The following LUZP2 variants were observed in gnomAD, a reference collection of about 807,000 sequenced individuals.
The protein encoded by LUZP2 is leucine zipper protein 2.
Under a neutral mutation model 51.6 loss-of-function variants are expected in LUZP2, and 52 were observed. That is an observed-to-expected ratio of 1.01 (90% CI 0.81 to 1.27). The LOEUF (loss-of-function observed/expected upper bound fraction) is 1.27, where lower values mean the gene tolerates loss of function less well. Ranked by LOEUF, LUZP2 falls within the 50% of genes most tolerant of loss-of-function variation. The pLI is 0.00. For synonymous variants in LUZP2, 154 were observed against 137.3 expected, an observed-to-expected ratio of 1.12 and a Z score of -0.85; for missense variants, 436 against 395.4, an observed-to-expected ratio of 1.10 and a Z score of -0.87.
intron 1 of LUZP2, among the ~76,000 whole-genome samples, chr11:24,689,334 C>T (rs1254261268): frequency 6.6e-6 from 1 of 152,170 alleles, no homozygotes; most frequent in Non-Finnish European, 1.5e-5. Context: ...AAGTTGTATG[C>T]ATCCTTACTT....
At chr11:25,056,161 A>G (rs1858679039) in intron 10 of LUZP2, among the ~76,000 whole-genome samples, 1 of 152,226 alleles carries the variant, frequency 6.6e-6, no homozygotes, top group African/African-American at 2.4e-5. Context: ...TTTACACAGC[A>G]GAACCAGATG....
In LUZP2 at chr11:24,638,981, G is replaced by A. The variant is rs189459241; in HGVS notation, c.63-90188G>A. Reference sequence around the variant, plus strand: ...ATCTAAACACACCAAATGCCACAAGGAAAAAGAGAGAAAATGTTCAAAAAC... The same window carrying A: ...ATCTAAACACACCAAATGCCACAAGAAAAAAGAGAGAAAATGTTCAAAAAC... On this transcript the variant is annotated intron_variant, in intron 1 of 11. Coordinates refer to ENST00000336930, the MANE Select transcript of LUZP2 (RefSeq NM_001009909.4). 2.5e-4 allele frequency among the ~76,000 whole-genome samples: 38 copies of A among 151,506 alleles called. No individual in the cohort carries two copies. In the East Asian group the frequency reaches 6.6e-3, roughly 26 times the overall value.
At chr11:24,625,289 G>A (rs1157024068) in intron 1 of LUZP2, among the ~76,000 whole-genome samples, 1 of 150,622 alleles carries the variant, frequency 6.6e-6, no homozygotes. Flanking sequence ...CATAGTTTCA[G>A]TATGTATTGT....
intron 1 of LUZP2, among the ~76,000 whole-genome samples, chr11:24,656,999 T>C (rs1031464312): frequency 1.3e-5 from 2 of 152,192 alleles, no homozygotes; most frequent in Admixed American, 1.3e-4. Context: ...GCGTGGAAAC[T>C]AAGAGCTGGA....
At chr11:24,921,188 G>C (rs559761097) in intron 7 of LUZP2, among the ~76,000 whole-genome samples, 2 of 152,012 alleles carry the variant, frequency 1.3e-5, no homozygotes. Context: ...GAAGAAAACA[G>C]CTCCCCCATA....
At chr11:24,782,317 C>T (rs894318356) in intron 5 of LUZP2, among the ~76,000 whole-genome samples, 4 of 152,030 alleles carry the variant, frequency 2.6e-5, no homozygotes, top group African/African-American at 9.6e-5. Context: ...CTATATTGGG[C>T]CTCATGCACA....
chr11:24,911,043 T>G (rs1258221251), intron 6 of LUZP2, among the ~76,000 whole-genome samples: 1 of 152,190 alleles, frequency 6.6e-6, no homozygotes, highest in African/African-American at 2.4e-5. Context: ...TTTGGAACTT[T>G]AAGGTTTAAT....
chr11:24,774,957 G>C (rs1318673904), intron 5 of LUZP2, among the ~76,000 whole-genome samples: 1 of 150,578 alleles, frequency 6.6e-6, no homozygotes, highest in Non-Finnish European at 1.5e-5. Flanking sequence ...TCCCTTGCCT[G>C]CTCATTTCTG....
intron 5 of LUZP2, among the ~76,000 whole-genome samples, chr11:24,850,664 A>G (rs143255310): frequency 0.025 from 3,811 of 152,154 alleles, 66 homozygotes; most frequent in Non-Finnish European, 0.028. Context: ...AAGAAAGTCA[A>G]TGGTAGCTTG....
At chr11:24,767,050 G>GTGAA (rs1860218535) in intron 5 of LUZP2, among the ~76,000 whole-genome samples, 1 of 152,138 alleles carries the variant, frequency 6.6e-6, no homozygotes, top group Non-Finnish European at 1.5e-5. Flanking sequence ...AATTACAGGT[G>GTGAA]TGAACCCCTA....
intron 1 of LUZP2, among the ~76,000 whole-genome samples, chr11:24,602,296 A>ATATATATG (rs1335797069): frequency 1.3e-4 from 19 of 146,486 alleles, no homozygotes; most frequent in African/African-American, 4.8e-4. Context: ...ATATATATGT[A>ATATATATG]CATACATATA....
In LUZP2 at chr11:24,977,747, A is replaced by G. The variant is rs184053623; in HGVS notation, c.597+1082A>G. Among the ~76,000 whole-genome samples, 46 of 151,778 alleles carry G rather than the reference A, an allele frequency of 3.0e-4. 1 individual carries two copies. Among genetic ancestry groups the G allele is most frequent in the Admixed American group, 1.4e-3 (22 of 15,192 alleles). On this transcript the variant is annotated intron_variant, in intron 8 of 11. Transcript: ENST00000336930. ...GCCCATAATATGTATGTATATATAC[A>G]CTATGTTTAACATTATAGAAAATGA...
intron 8 of LUZP2, among the ~76,000 whole-genome samples, chr11:24,982,457 AGGAACTTGGAT>A (rs1400125176): frequency 6.6e-6 from 1 of 151,904 alleles, no homozygotes; most frequent in East Asian, 1.9e-4. Flanking sequence ...TGTCTTTTGC[AGGAACTTGGAT>A]GGAGCTGGAG....
intron 7 of LUZP2, among the ~76,000 whole-genome samples, chr11:24,921,339 T>C (rs1217001407): frequency 6.6e-6 from 1 of 152,166 alleles, no homozygotes; most frequent in Non-Finnish European, 1.5e-5. Flanking sequence ...GTGTGTCATT[T>C]ATGTAGCTTC....
intron 1 of LUZP2, among the ~76,000 whole-genome samples, chr11:24,648,055 G>T (rs1256366952): frequency 6.6e-6 from 1 of 151,786 alleles, no homozygotes; most frequent in Admixed American, 6.6e-5. Context: ...CCTCTAGCAT[G>T]ACTTTAATTC....
intron 5 of LUZP2, among the ~76,000 whole-genome samples, chr11:24,846,844 T>A (rs757591368): frequency 6.6e-6 from 1 of 151,954 alleles, no homozygotes; most frequent in Non-Finnish European, 1.5e-5. Context: ...TGTATACATA[T>A]ATATGTATTT....
At chr11:24,499,277 T>A (rs2133744126) in intron 1 of LUZP2, among the ~76,000 whole-genome samples, 1 of 152,326 alleles carries the variant, frequency 6.6e-6, no homozygotes, top group East Asian at 1.9e-4. Flanking sequence ...GGAATTCATT[T>A]TACTGGATAC....
chr11:24,996,572 T>TTA (rs1202236299), intron 9 of LUZP2, among the ~76,000 whole-genome samples: 2 of 132,602 alleles, frequency 1.5e-5, no homozygotes, highest in African/African-American at 5.7e-5. Context: ...CTTTTTTCTT[T>TTA]TTTTATTTTA....
intron 1 of LUZP2, among the ~76,000 whole-genome samples, chr11:24,631,129 G>A (rs779013548): frequency 1.3e-4 from 19 of 151,700 alleles, no homozygotes; most frequent in South Asian, 2.1e-4. Context: ...ATGAGGTCAC[G>A]TCATCAGGAA....
Sources: gnomAD v4.1 joint callset for allele counts (sites outside exome capture counted in the v4.1 genomes callset) on GRCh38, gnomAD v4.1.1 for gene constraint, MANE v1.5 for transcripts, NCBI Gene and HGNC (gene_info 2026-07-23, HGNC 2026-07-21) for gene names.